The following LYZL4 variants were observed in gnomAD, a reference collection of about 807,000 sequenced individuals.
The protein encoded by LYZL4 is lysozyme like 4.
In LYZL4, 13 loss-of-function variants were observed where a neutral mutation model predicts 17.6. That is an observed-to-expected ratio of 0.74 (90% CI 0.48 to 1.18). LYZL4 has a LOEUF of 1.18. Among genes scored for constraint, LYZL4 ranks in the 50% most tolerant of loss-of-function variants. The pLI, the probability that LYZL4 is intolerant of heterozygous loss-of-function variation, is 0.00. For synonymous variants in LYZL4, 64 were observed against 67.7 expected (o/e 0.95, Z 0.27); for missense variants, 174 against 188.2 (o/e 0.92, Z 0.44).
At chr3:42,406,298 A>G (rs375179852) in intron 3 of LYZL4, among the ~76,000 whole-genome samples, 1 of 152,042 alleles carries the variant, frequency 6.6e-6, no homozygotes, top group African/African-American at 2.4e-5. Flanking sequence ...CTAAAAATAC[A>G]AAAAATTTAG....
At chr3:42,400,905 T>C (rs1698640694) in intron 4 of LYZL4, among the ~76,000 whole-genome samples, 1 of 152,076 alleles carries the variant, frequency 6.6e-6, no homozygotes, top group Non-Finnish European at 1.5e-5. Context: ...ATGGAGGATT[T>C]TCATGCACTC....
At chr3:42,397,443 TGA>T in intron 4 of LYZL4, 109 bp from the exon 5 acceptor site, 1 of 722,334 alleles carries the variant, frequency 1.4e-6, no homozygotes, top group South Asian at 1.7e-5. Flanking sequence ...TTGGAGCCTT[TGA>T]GTTTTCCACC....
At chr3:42,406,157 T>C (rs572839899) in intron 3 of LYZL4, among the ~76,000 whole-genome samples, 35 of 151,984 alleles carry the variant, frequency 2.3e-4, no homozygotes, top group African/African-American at 7.7e-4. Flanking sequence ...ACTGCCCCCT[T>C]GAAAAAGGGA....
the LYZL4 span, among the ~76,000 whole-genome samples, chr3:42,367,112 G>A: frequency 2.6e-5 from 4 of 152,154 alleles, no homozygotes; most frequent in African/African-American, 9.7e-5. Context: ...CTCAGAAATA[G>A]TCAATGCTTC....
the LYZL4 span, among the ~76,000 whole-genome samples, chr3:42,378,264 C>T: frequency 2.0e-5 from 3 of 152,192 alleles, no homozygotes; most frequent in African/African-American, 7.2e-5. Context: ...CATCAAGGCA[C>T]TTATTTACAG....
At chr3:42,403,507 C>T (rs2125601735) in intron 4 of LYZL4, among the ~76,000 whole-genome samples, 1 of 152,092 alleles carries the variant, frequency 6.6e-6, no homozygotes, top group East Asian at 1.9e-4. Context: ...AACTCCTGAC[C>T]TCAGGTGATC....
At chr3:42,387,798 G>A in the LYZL4 span, among the ~76,000 whole-genome samples, 1 of 152,084 alleles carries the variant, frequency 6.6e-6, no homozygotes, top group East Asian at 1.9e-4. Context: ...AGGTCCTCCT[G>A]TCTCCAGCCA....
chr3:42,370,049 A>G, the LYZL4 span, among the ~76,000 whole-genome samples: 1 of 152,186 alleles, frequency 6.6e-6, no homozygotes, highest in Non-Finnish European at 1.5e-5. Context: ...AGGGGCTCCC[A>G]CGCTGTGAAG....
At chr3:42,396,558 A>T (rs1698551456), downstream of LYZL4, among the ~76,000 whole-genome samples, 1 of 152,236 alleles carries the variant, frequency 6.6e-6, no homozygotes, top group South Asian at 2.1e-4. Flanking sequence ...CAACATTATC[A>T]TGGCATTTTT....
intron 3 of LYZL4, 81 bp from the exon 4 acceptor site, chr3:42,404,205 CT>C: frequency 1.2e-6 from 1 of 837,916 alleles, no homozygotes; most frequent in Non-Finnish European, 1.9e-6. Context: ...GTACAGGGTA[CT>C]CACATCAGAG....
downstream of LYZL4, among the ~76,000 whole-genome samples, chr3:42,392,374 G>C (rs1463684668): frequency 6.6e-6 from 1 of 152,190 alleles, no homozygotes; most frequent in Admixed American, 6.5e-5. Flanking sequence ...GCAGCTAAAG[G>C]TGAATGAAGA....
At chr3:42,410,145 G>T (rs576298130) in intron 1 of LYZL4, among the ~76,000 whole-genome samples, 89 of 152,084 alleles carry the variant, frequency 5.9e-4, no homozygotes, top group Non-Finnish European at 1.2e-3. Context: ...CTGTTCACTT[G>T]CTTATTTTCT....
chr3:42,399,268 A>G (rs1429381212), intron 4 of LYZL4, among the ~76,000 whole-genome samples: 1 of 152,214 alleles, frequency 6.6e-6, no homozygotes, highest in Non-Finnish European at 1.5e-5. Flanking sequence ...CAGTTTAGCA[A>G]CTGGTCTCTC....
the LYZL4 span, among the ~76,000 whole-genome samples, chr3:42,374,935 G>T: frequency 6.6e-6 from 1 of 152,018 alleles, no homozygotes; most frequent in East Asian, 1.9e-4. Flanking sequence ...CAGCTCCCCT[G>T]AGTGGCTGGG....
At chr3:42,407,535 TCCCAAC>T (rs1698781261) in intron 1 of LYZL4, 192 bp from the exon 2 acceptor site, 1 of 429,762 alleles carries the variant, frequency 2.3e-6, no homozygotes, top group African/African-American at 2.0e-5. Flanking sequence ...TGAGGCCCCC[TCCCAAC>T]CCCAATTCTT....
chr3:42,381,169 A>G, the LYZL4 span, among the ~76,000 whole-genome samples: 1 of 152,236 alleles, frequency 6.6e-6, no homozygotes, highest in African/African-American at 2.4e-5. Context: ...ACTGAGGTCT[A>G]GAGTGGTTTG....
At chr3:42,400,721 T>G (rs898708916) in intron 4 of LYZL4, among the ~76,000 whole-genome samples, 1 of 152,120 alleles carries the variant, frequency 6.6e-6, no homozygotes, top group African/African-American at 2.4e-5. Flanking sequence ...TCTTTCTAGA[T>G]CTATCTGGAG....
chr3:42,388,024 T>C, the LYZL4 span, among the ~76,000 whole-genome samples: 1 of 152,020 alleles, frequency 6.6e-6, no homozygotes, highest in Non-Finnish European at 1.5e-5. Flanking sequence ...CCTCCAGGGG[T>C]CGTGAGCAGG....
chr3:42,402,766 A>G (rs771187069), intron 4 of LYZL4, among the ~76,000 whole-genome samples: 8 of 152,262 alleles, frequency 5.3e-5, no homozygotes, highest in Non-Finnish European at 1.2e-4. Context: ...ATTCCTCAGT[A>G]AAAACAACAG....
Sources: gnomAD v4.1 joint callset for allele counts (sites outside exome capture counted in the v4.1 genomes callset) on GRCh38, gnomAD v4.1.1 for gene constraint, MANE v1.5 for transcripts, NCBI Gene and HGNC (gene_info 2026-07-23, HGNC 2026-07-21) for gene names.